The following CDHR3 variants were observed in gnomAD, a reference collection of about 807,000 sequenced individuals.
CDHR3 encodes the protein cadherin related family member 3, also known as cadherin-related family member 3.
A neutral mutation model predicts 86.6 loss-of-function variants in CDHR3; 79 were observed. The ratio of observed to expected loss-of-function variants is 0.91; its 90% CI spans 0.76 to 1.10. The LOEUF is 1.10. Ranked by LOEUF, CDHR3 falls within the 50% of genes least tolerant of loss-of-function variation. The pLI, the probability that CDHR3 is intolerant of heterozygous loss-of-function variation, is 0.00. For missense variants in CDHR3, 1,081 were observed against 1,077.6 expected (o/e 1.00, Z -0.04); for synonymous variants, 421 against 402.4 (o/e 1.05, Z -0.55).
At chr7:106,028,993 T>TTTCG (rs1837911536) in intron 17 of CDHR3, among the ~76,000 whole-genome samples, 1 of 149,710 alleles carries the variant, frequency 6.7e-6, no homozygotes, top group African/African-American at 2.5e-5. Flanking sequence ...TCTTTCTTTC[T>TTTCG]TTTTAAGACA....
In CDHR3 at chr7:105,964,663, T is replaced by C. The variant is rs975675533; in HGVS notation, c.46+1299T>C. ...TAAATAAAAATATAATAAAACTAAA[T>C]GTAAGAATATTCAAGTACTTATTTC... is the stretch of plus-strand genomic sequence containing the variant. On this transcript the variant is annotated intron_variant, in intron 1 of 18. Transcript: ENST00000317716. Among the ~76,000 whole-genome samples the C allele has an allele frequency of 7.2e-5, 11 of 152,186 alleles. 1 individual carries two copies. The highest frequency in any genetic ancestry group is 2.2e-4 in the African/African-American group (9 of 41,564).
intron 1 of CDHR3, among the ~76,000 whole-genome samples, chr7:105,969,539 T>C (rs1379635244): frequency 6.6e-6 from 1 of 152,238 alleles, no homozygotes; most frequent in Non-Finnish European, 1.5e-5. Context: ...GAGGACCTTC[T>C]GTGGGTTCTG....
In CDHR3 at chr7:105,996,367, G is replaced by T. The variant is rs774805085; in HGVS notation, c.713+13G>T. The T allele has an allele frequency of 6.5e-7, 1 of 1,537,936 alleles. No individual in the cohort carries two copies. Among genetic ancestry groups the T allele is most frequent in the South Asian group, 1.1e-5 (1 of 87,274 alleles). On this transcript the variant is annotated intron_variant, in intron 6 of 18. Coordinates refer to ENST00000317716, the MANE Select transcript of CDHR3 (RefSeq NM_152750.5). The stretch of plus-strand genomic sequence containing the variant: ...CTCGCTTTACCAGGTAGGCCTGAGG[G>T]CATGCAGGACTCCCTGGGCCGCAGG...
At chr7:106,015,361 A>G in intron 10 of CDHR3, 148 bp downstream of exon 10, 1 of 628,602 alleles carries the variant, frequency 1.6e-6, no homozygotes, top group South Asian at 2.2e-5. Flanking sequence ...GCTGAATTAC[A>G]ACACTTAAGA....
At chr7:105,975,195 AG>A (rs1386224970) in intron 2 of CDHR3, 149 bp downstream of exon 2, 34 of 710,034 alleles carry the variant, frequency 4.8e-5, no homozygotes, top group Non-Finnish European at 9.8e-6. Flanking sequence ...GAGGCATCCC[AG>A]GGCCTTCTGT....
intron 13 of CDHR3, 93 bp downstream of exon 13, chr7:106,020,637 A>T (rs1467376703): frequency 7.2e-7 from 1 of 1,393,706 alleles, no homozygotes; most frequent in African/African-American, 1.4e-5. Flanking sequence ...TGATCTGGGC[A>T]AAGTGGGATG....
chr7:106,010,572 C>T (rs1044109360), intron 8 of CDHR3, among the ~76,000 whole-genome samples: 9 of 152,204 alleles, frequency 5.9e-5, no homozygotes, highest in East Asian at 5.8e-4. Context: ...ACCTGTTATC[C>T]TCAGTGGCCC....
At chr7:105,993,839 G>A (rs1831769465) in intron 4 of CDHR3, among the ~76,000 whole-genome samples, 1 of 152,120 alleles carries the variant, frequency 6.6e-6, no homozygotes, top group African/African-American at 2.4e-5. Flanking sequence ...GTCTTCCTAT[G>A]GGCTCACCCT....
In CDHR3 at chr7:105,994,199, G is replaced by A. The variant is rs75181743; in HGVS notation, c.514-552G>A. ...TAGTGACCAGATCCTACTCACTTTGGTATAGTCCTATTACCTAGTGGGTAG... is the reference window on the plus strand; with the variant it reads ...TAGTGACCAGATCCTACTCACTTTGATATAGTCCTATTACCTAGTGGGTAG... On this transcript the variant is annotated intron_variant, in intron 4 of 18. Transcript: ENST00000317716. 7.7e-3 allele frequency among the ~76,000 whole-genome samples: 1,143 copies of A among 149,222 alleles called. 13 individuals are homozygous for A. The highest frequency in any genetic ancestry group is 0.027 in the African/African-American group (1,040 of 38,706).
chr7:106,003,118 A>G (rs1393999435), intron 7 of CDHR3, among the ~76,000 whole-genome samples: 1 of 145,178 alleles, frequency 6.9e-6, no homozygotes, highest in Non-Finnish European at 1.5e-5. Context: ...TGGGTGACAG[A>G]GCAAAAACCT....
chr7:106,028,888 A>G (rs1482674227), intron 17 of CDHR3, among the ~76,000 whole-genome samples: 1 of 151,924 alleles, frequency 6.6e-6, no homozygotes, highest in Non-Finnish European at 1.5e-5. Flanking sequence ...GACCAAAACT[A>G]GTGCTTCAGC....
At chr7:105,996,229 C>A in intron 5 of CDHR3, 21 bp from the exon 6 acceptor site, 1 of 1,359,526 alleles carries the variant, frequency 7.4e-7, no homozygotes, top group Non-Finnish European at 1.0e-6. Flanking sequence ...GATTCTCTCA[C>A]GTGGAATGTT....
chr7:105,998,449 T>C (rs1832602579), intron 6 of CDHR3, among the ~76,000 whole-genome samples: 1 of 152,228 alleles, frequency 6.6e-6, no homozygotes, highest in African/African-American at 2.4e-5. Flanking sequence ...AGATTCAGGA[T>C]GCATGCTCCA....
chr7:106,027,657 A>AT (rs1837570329), intron 16 of CDHR3: 1 of 454,062 alleles, frequency 2.2e-6, no homozygotes, highest in South Asian at 1.6e-5. Flanking sequence ...CAGTGTTTTA[A>AT]TTAAAAAAAA....
intron 2 of CDHR3, among the ~76,000 whole-genome samples, chr7:105,979,768 C>T (rs1209704466): frequency 6.6e-6 from 1 of 152,134 alleles, no homozygotes; most frequent in Non-Finnish European, 1.5e-5. Flanking sequence ...ATCACCTGGC[C>T]CTAGTCATAT....
intron 12 of CDHR3, 34 bp downstream of exon 12, chr7:106,018,106 C>A (rs1585799048): frequency 1.3e-6 from 2 of 1,577,876 alleles, no homozygotes; most frequent in Non-Finnish European, 1.7e-6. Context: ...TGCCGGTAAC[C>A]CAACTGGTTG....
intron 16 of CDHR3, chr7:106,027,667 A>C (rs540316539): frequency 1.5e-5 from 7 of 455,388 alleles, no homozygotes; most frequent in South Asian, 1.1e-4. Flanking sequence ...ATTAAAAAAA[A>C]AAAAAGTTTG....
chr7:106,026,798 T>C, intron 16 of CDHR3, 103 bp downstream of exon 16: 1 of 1,203,870 alleles, frequency 8.3e-7, no homozygotes, highest in Non-Finnish European at 1.2e-6. Flanking sequence ...CGATCACATC[T>C]TGGAGCATTT....
chr7:106,031,899 A>G (rs959376615), intron 18 of CDHR3, among the ~76,000 whole-genome samples: 1 of 152,238 alleles, frequency 6.6e-6, no homozygotes, highest in Non-Finnish European at 1.5e-5. Context: ...AAGCGGGACC[A>G]GATTTTTGTA....
Sources: gnomAD v4.1 joint callset for allele counts (sites outside exome capture counted in the v4.1 genomes callset) on GRCh38, gnomAD v4.1.1 for gene constraint, MANE v1.5 for transcripts, NCBI Gene and HGNC (gene_info 2026-07-23, HGNC 2026-07-21) for gene names.